Variants in WASL observed in about 807,000 individuals in gnomAD.
WASL encodes the protein WASP like actin nucleation promoting factor.
A neutral mutation model predicts 55.5 loss-of-function variants in WASL; 20 were observed. The ratio of observed to expected loss-of-function variants is 0.36; its 90% confidence interval spans 0.25 to 0.52. WASL has a LOEUF of 0.52. Among genes scored for constraint, WASL ranks in the 20% least tolerant of loss-of-function variants. WASL has a pLI of 0.92. For missense variants in WASL, 504 were observed against 622.5 expected, an observed-to-expected ratio of 0.81 and a Z score of 2.03; for synonymous variants, 249 against 217.6, an observed-to-expected ratio of 1.14 and a Z score of -1.27.
chr7:123,692,543 C>A lies in WASL; in HGVS notation c.1151G>T (p.Gly384Val). 6 of 1,613,872 alleles carry A rather than the reference C, an allele frequency of 3.7e-6. No homozygotes were observed. The highest frequency in any genetic ancestry group is 5.1e-6 in the Non-Finnish European group (6 of 1,179,936). ...AGGCAGGCCAGGCGGGGGCGGTGGCCCAGGAGGAGGTGGAGGTGGAGGCGG... is the reference window on the plus strand; with the variant it reads ...AGGCAGGCCAGGCGGGGGCGGTGGCACAGGAGGAGGTGGAGGTGGAGGCGG... ...PPPPPPPPPP[G>V]PPPPPGLPSD... is the part of the protein sequence containing the mutation. The change falls in exon 9 of 11, where the codon GGG (glycine) becomes GTG (valine). Residue 384 changes from glycine (G) to valine (V), a missense_variant. By Grantham distance (109) the Gly-to-Val change is moderately radical. This residue lies in a region of WASL where 201 missense variants were observed against 206.2 expected (regional missense o/e 0.97). Transcript: ENST00000223023.
In WASL at chr7:123,688,992, C is replaced by T. The variant is rs62472074; in HGVS notation, c.1456+50G>A. On this transcript the variant is annotated intron_variant, in intron 10 of 10. Transcript: ENST00000223023. ...AACATTCAAATTTATTAAACACACA[C>T]GCACACTCTCTCTGTCTCTCTCTCT... 89,647 of 1,439,394 alleles carry T rather than the reference C, an allele frequency of 0.062. 3,401 individuals are homozygous for T. The highest frequency in any genetic ancestry group is 0.075 in the Non-Finnish European group (77,834 of 1,039,482). 89.2% of individuals were successfully genotyped at this position (1,439,394 alleles called of 1,614,324 possible). A position where few individuals can be genotyped will look rare whatever the true frequency, so the allele number is the denominator to read the frequency against.
At chr7:123,739,912 GTGTA>G (rs1264755985) in intron 1 of WASL, among the ~76,000 whole-genome samples, 2,846 of 34,738 alleles carry the variant, frequency 0.082, 32 homozygotes, top group Admixed American at 0.17. Context: ...GTGTGTGTGT[GTGTA>G]TATATATATA....
intron 1 of WASL, among the ~76,000 whole-genome samples, chr7:123,730,754 TAAC>T (rs1804123902): frequency 6.6e-6 from 1 of 152,164 alleles, no homozygotes; most frequent in Admixed American, 6.5e-5. Flanking sequence ...GGTTAAAAAA[TAAC>T]AACCCGACTC....
chr7:123,706,073 T>A (rs1373893349), intron 4 of WASL, among the ~76,000 whole-genome samples: 1 of 152,198 alleles, frequency 6.6e-6, no homozygotes, highest in Non-Finnish European at 1.5e-5. Context: ...ATATTTCAGA[T>A]AATAATTTTG....
intron 1 of WASL, among the ~76,000 whole-genome samples, chr7:123,727,353 T>TCTCACACACACACA (rs1554406247): frequency 6.8e-6 from 1 of 147,710 alleles, no homozygotes. Context: ...AAAATATGTG[T>TCTCACACACACACA]CACACACACA....
intron 5 of WASL, among the ~76,000 whole-genome samples, chr7:123,699,541 T>A (rs1241855032): frequency 4.6e-5 from 7 of 152,204 alleles, no homozygotes; most frequent in African/African-American, 1.7e-4. Flanking sequence ...ATAAAAGCCA[T>A]CTATTATACT....
At chr7:123,685,598 AT>A (rs1249711262) in intron 10 of WASL, among the ~76,000 whole-genome samples, 1 of 151,942 alleles carries the variant, frequency 6.6e-6, no homozygotes, top group Non-Finnish European at 1.5e-5. Flanking sequence ...TCACTTGCTA[AT>A]ATCTAAAATT....
Position 123,709,083 on chromosome 7 carries a change from A to G in WASL, c.252+6T>C. The G allele has an allele frequency of 6.3e-7, 1 of 1,595,822 alleles. No homozygotes were observed. Among genetic ancestry groups the G allele is most frequent in the Non-Finnish European group, 8.5e-7 (1 of 1,172,222 alleles). On this transcript the variant is annotated splice_donor_region_variant and intron_variant, in intron 2 of 10. Transcript: ENST00000223023. ...TAGTTTAAAGTGAAAGCAAAACAAA[A>G]CTCACCTTAATGTCAAATATTCTTA...
intron 5 of WASL, among the ~76,000 whole-genome samples, chr7:123,698,106 T>C (rs1395104059): frequency 6.6e-6 from 1 of 152,134 alleles, no homozygotes; most frequent in Non-Finnish European, 1.5e-5. Context: ...CCTTTGCTGA[T>C]TTTGTTTTAT....
chr7:123,732,721 A>G (rs1466098516), intron 1 of WASL, among the ~76,000 whole-genome samples: 1 of 152,238 alleles, frequency 6.6e-6, no homozygotes, highest in East Asian at 1.9e-4. Context: ...CCAACACCAG[A>G]TAAAGATCTA....
chr7:123,701,108 A>G (rs953682541), intron 5 of WASL, among the ~76,000 whole-genome samples: 4 of 152,250 alleles, frequency 2.6e-5, no homozygotes, highest in African/African-American at 9.6e-5. Context: ...TTTTTAAACA[A>G]CATAAAGTAT....
At chr7:123,744,580 T>C (rs1158148324) in intron 1 of WASL, among the ~76,000 whole-genome samples, 1 of 152,168 alleles carries the variant, frequency 6.6e-6, no homozygotes, top group East Asian at 1.9e-4. Context: ...CACTAAATCT[T>C]GAAAAAACAA....
chr7:123,727,241 T>C (rs921615287), intron 1 of WASL, among the ~76,000 whole-genome samples: 3 of 152,220 alleles, frequency 2.0e-5, no homozygotes, highest in Admixed American at 6.5e-5. Context: ...AGTGCAAAGA[T>C]TGCACAACCA....
At chr7:123,709,035 T>C in intron 2 of WASL, 54 bp downstream of exon 2, 4 of 1,482,914 alleles carry the variant, frequency 2.7e-6, no homozygotes, top group Non-Finnish European at 3.6e-6. Flanking sequence ...TAAATTATAA[T>C]TGATATAGAA....
rs990601937 is a variant in WASL, at chr7:123,707,633, T to C, written c.253-807A>G. ...CAATTTAAAAATATGTAAAATACAC[T>C]GTTCACACATTATAACCACTGCAAT... On this transcript the variant is annotated intron_variant, in intron 2 of 10. Coordinates refer to ENST00000223023, the MANE Select transcript of WASL (RefSeq NM_003941.4). Among the ~76,000 whole-genome samples, 4 of 152,346 alleles carry C rather than the reference T, an allele frequency of 2.6e-5. No individual in the cohort carries two copies. The East Asian group carries it at 7.7e-4, about 29-fold the overall frequency.
chr7:123,682,453 T>A lies in WASL; in HGVS notation c.*2066A>T, dbSNP rs1049995945. 6.6e-6 allele frequency: 1 copy of A among 152,090 alleles called. No individual in the cohort carries two copies. Among genetic ancestry groups the A allele is most frequent in the African/African-American group, 2.4e-5 (1 of 41,414 alleles). The allele number at this position is 152,090 out of a possible 1,614,324, so 9.4% of individuals were successfully genotyped here. ...TTAATTACCTTTGGCAAATTATATA[T>A]CCATTTTACATGTTTAAAATTGTGC... On this transcript the variant is annotated 3_prime_UTR_variant, in exon 11 of 11. Coordinates refer to ENST00000223023, the MANE Select transcript of WASL (RefSeq NM_003941.4).
chr7:123,703,280 C>A (rs145263681), intron 5 of WASL, among the ~76,000 whole-genome samples: 33 of 152,268 alleles, frequency 2.2e-4, no homozygotes, highest in African/African-American at 7.5e-4. Context: ...TCACTACTTA[C>A]TAGTTATGAG....
chr7:123,714,495 T>G lies in WASL; in HGVS notation c.118-5272A>C, dbSNP rs929373523. 3.0e-4 allele frequency among the ~76,000 whole-genome samples: 45 copies of G among 152,060 alleles called. 1 individual carries two copies. The highest frequency in any genetic ancestry group is 6.2e-4 in the Non-Finnish European group (42 of 68,026). Reference sequence around the variant, plus strand: ...CAAAAGCATAAAATAACAAACAGAATCTCAACAGTGAAGAAAAACGGAGCC... The same window carrying G: ...CAAAAGCATAAAATAACAAACAGAAGCTCAACAGTGAAGAAAAACGGAGCC... On this transcript the variant is annotated intron_variant, in intron 1 of 10. Transcript: ENST00000223023.
intron 1 of WASL, among the ~76,000 whole-genome samples, chr7:123,719,965 A>C (rs1803910610): frequency 6.6e-6 from 1 of 152,068 alleles, no homozygotes. Flanking sequence ...CCTTCATTAT[A>C]CCAGTTACTG....
Sources: allele counts gnomAD v4.1 joint callset (sites outside exome capture counted in the v4.1 genomes callset), GRCh38; gene constraint gnomAD v4.1.1; regional missense constraint gnomAD v4.1.1; transcripts MANE v1.5; gene names NCBI Gene and HGNC (gene_info 2026-07-23, HGNC 2026-07-21).